The following OSBPL1A variants were observed in gnomAD, a reference collection of about 807,000 sequenced individuals.
The protein encoded by OSBPL1A is oxysterol-binding protein-related protein 1.
Under a neutral mutation model 137.1 loss-of-function variants are expected in OSBPL1A, and 80 were observed. That is an observed-to-expected ratio of 0.58 (90% confidence interval 0.49 to 0.70). The LOEUF (loss-of-function observed/expected upper bound fraction) is 0.70, where lower values mean the gene tolerates loss of function less well. OSBPL1A is among the 30% of genes least tolerant of loss of function. The pLI, the probability that OSBPL1A is intolerant of heterozygous loss-of-function variation, is 0.00. For missense variants in OSBPL1A, 970 were observed against 1,129.4 expected (o/e 0.86, Z 2.02); for synonymous variants, 365 against 389.7 (o/e 0.94, Z 0.75).
intron 26 of OSBPL1A, 148 bp downstream of exon 26, chr18:24,166,431 A>C (rs2086147089): frequency 9.9e-7 from 1 of 1,014,124 alleles, no homozygotes; most frequent in Admixed American, 2.9e-5. Context: ...AAGTTACTGA[A>C]TTTAAATTGA....
chr18:24,170,713 C>A, intron 23 of OSBPL1A: 1 of 398,296 alleles, frequency 2.5e-6, no homozygotes, highest in Non-Finnish European at 4.6e-6. Flanking sequence ...GAGGTATAAT[C>A]ATGGCTCACT....
Position 24,321,036 on chromosome 18 carries a change from A to AG in OSBPL1A, c.626-2228_626-2227insC, listed in dbSNP as rs1190940772. 3.0e-4 allele frequency among the ~76,000 whole-genome samples: 43 copies of AG among 143,420 alleles called. No individual in the cohort carries two copies. In the South Asian group the frequency reaches 6.0e-3, roughly 20 times the overall value. 94.1% of individuals were successfully genotyped at this position (143,420 alleles called of 152,430 possible). On this transcript the variant is annotated intron_variant, in intron 7 of 27. Coordinates refer to ENST00000319481, the MANE Select transcript of OSBPL1A (RefSeq NM_080597.4). ...AGAGCAAGACTTCGTCTCAAAAAAA[A>AG]AAAAAAAAAGAAAAGAAAAGAATAA...
intron 5 of OSBPL1A, among the ~76,000 whole-genome samples, chr18:24,340,875 G>A (rs1369130036): frequency 6.6e-6 from 1 of 152,160 alleles, no homozygotes; most frequent in Middle Eastern, 3.2e-3. Context: ...TTACTGTCCT[G>A]CACTTCTGTA....
At chr18:24,311,071 A>G (rs191278978) in intron 13 of OSBPL1A, among the ~76,000 whole-genome samples, 1 of 152,342 alleles carries the variant, frequency 6.6e-6, no homozygotes, top group Admixed American at 6.5e-5. Flanking sequence ...AATGTCTTCA[A>G]CAAACATGGG....
chr18:24,361,006 T>C (rs1311531761), intron 4 of OSBPL1A, among the ~76,000 whole-genome samples: 1 of 152,206 alleles, frequency 6.6e-6, no homozygotes, highest in African/African-American at 2.4e-5. Flanking sequence ...TCAGAAGTGT[T>C]TGCTCTTCAT....
intron 18 of OSBPL1A, among the ~76,000 whole-genome samples, chr18:24,190,834 A>G (rs1051675453): frequency 6.6e-6 from 1 of 152,244 alleles, no homozygotes; most frequent in Non-Finnish European, 1.5e-5. Context: ...TCCAGAAATA[A>G]TATCTCATCC....
chr18:24,181,048 T>G, intron 19 of OSBPL1A, 97 bp downstream of exon 19: 1 of 1,415,958 alleles, frequency 7.1e-7, no homozygotes, highest in Non-Finnish European at 9.5e-7. Flanking sequence ...CAACCTCACA[T>G]TGAATTTAAC....
intron 17 of OSBPL1A, among the ~76,000 whole-genome samples, chr18:24,209,815 A>G (rs1410059951): frequency 6.6e-6 from 1 of 152,214 alleles, no homozygotes; most frequent in African/African-American, 2.4e-5. Context: ...GCAGTTCAAG[A>G]TAAGACTAAT....
chr18:24,205,044 T>C (rs1053927415), intron 17 of OSBPL1A, among the ~76,000 whole-genome samples: 2 of 152,264 alleles, frequency 1.3e-5, no homozygotes, highest in Non-Finnish European at 2.9e-5. Context: ...TAGCATTTAG[T>C]GAGAGTTTGC....
At chr18:24,259,381 G>A (rs1310358160) in intron 15 of OSBPL1A, among the ~76,000 whole-genome samples, 1 of 152,092 alleles carries the variant, frequency 6.6e-6, no homozygotes, top group Non-Finnish European at 1.5e-5. Flanking sequence ...TCATTAGTAA[G>A]CCCCAAGTTT....
intron 7 of OSBPL1A, chr18:24,321,806 G>C (rs1204875127): frequency 3.1e-5 from 14 of 449,114 alleles, no homozygotes; most frequent in Non-Finnish European, 5.8e-5. Context: ...TGTTTCACAA[G>C]AATTCAGGGA....
chr18:24,241,572 T>A (rs1288655269), intron 15 of OSBPL1A, among the ~76,000 whole-genome samples: 1 of 152,040 alleles, frequency 6.6e-6, no homozygotes, highest in African/African-American at 2.4e-5. Context: ...AAAACCACAA[T>A]GAGATACCAT....
At chr18:24,365,998 T>C (rs1396084861) in intron 4 of OSBPL1A, among the ~76,000 whole-genome samples, 2 of 152,098 alleles carry the variant, frequency 1.3e-5, no homozygotes, top group Non-Finnish European at 2.9e-5. Context: ...AGGTGAGGGC[T>C]CAGTCCCAGC....
Position 24,334,278 on chromosome 18 carries a change from T to TG in OSBPL1A, c.446dup (p.Arg150LysfsTer19), listed in dbSNP as rs2091133295. 3 of 1,612,222 alleles carry TG rather than the reference T, an allele frequency of 1.9e-6. No individual in the cohort carries two copies. In the Admixed American group the frequency reaches 5.0e-5, roughly 27 times the overall value. ...TGAGTTCTGTTGTTTTGCCTTCTCT[T>TG]GCTGCTGCTAAAAGTAATTCTTCAA... On this transcript the variant is annotated frameshift_variant, in exon 6 of 28. Transcript: ENST00000319481. LOFTEE classifies it high-confidence loss of function.
intron 16 of OSBPL1A, among the ~76,000 whole-genome samples, chr18:24,235,357 A>T (rs1388101113): frequency 6.6e-6 from 1 of 152,156 alleles, no homozygotes; most frequent in Non-Finnish European, 1.5e-5. Flanking sequence ...TGATCCTATG[A>T]CCCATTTGCA....
chr18:24,315,950 G>C lies in OSBPL1A; in HGVS notation c.870+1199C>G, dbSNP rs542773701. Among the ~76,000 whole-genome samples, 269 of 139,816 alleles carry C rather than the reference G, an allele frequency of 1.9e-3. 1 individual carries two copies. The highest frequency in any genetic ancestry group is 7.0e-3 in the African/African-American group (261 of 37,548). The allele number at this position is 139,816 out of a possible 152,430, so 91.7% of individuals were successfully genotyped here. On this transcript the variant is annotated intron_variant, in intron 11 of 27. Transcript: ENST00000319481. ...ATAATAATAATATTAATAATATTAA[G>C]AGTACCATCCAAAATTACCTGACAT...
chr18:24,204,715 G>A (rs761494076), intron 17 of OSBPL1A, among the ~76,000 whole-genome samples: 4 of 151,894 alleles, frequency 2.6e-5, no homozygotes, highest in African/African-American at 4.8e-5. Context: ...TAAGATTCTC[G>A]TGCCCTCTAT....
At chr18:24,317,467 A>G in intron 9 of OSBPL1A, 67 bp from the exon 10 acceptor site, 1 of 1,221,048 alleles carries the variant, frequency 8.2e-7, no homozygotes, top group East Asian at 2.3e-5. Context: ...ACTGATAAAA[A>G]GTAATTAAGT....
chr18:24,258,432 C>A (rs1299172926), intron 15 of OSBPL1A, among the ~76,000 whole-genome samples: 1 of 152,024 alleles, frequency 6.6e-6, no homozygotes, highest in Non-Finnish European at 1.5e-5. Flanking sequence ...AACAATTGAA[C>A]ACATGGAGAT....
Sources: gnomAD v4.1 joint callset for allele counts (sites outside exome capture counted in the v4.1 genomes callset) on GRCh38, gnomAD v4.1.1 for gene constraint, MANE v1.5 for transcripts, NCBI Gene and HGNC (gene_info 2026-07-23, HGNC 2026-07-21) for gene names.